RABGAP1L: variants seen among roughly 807,000 people sequenced by gnomAD.
RABGAP1L encodes rab GTPase-activating protein 1-like.
In RABGAP1L, 63 loss-of-function variants were observed where a neutral mutation model predicts 137.7. The observed-to-expected ratio is 0.46, with a 90% CI of 0.37 to 0.56. RABGAP1L has a LOEUF of 0.56. Ranked by LOEUF, RABGAP1L falls within the 20% of genes least tolerant of loss-of-function variation. The pLI is 0.00. For synonymous variants in RABGAP1L, 431 were observed against 433.7 expected, an observed-to-expected ratio of 0.99 and a Z score of 0.08; for missense variants, 1,095 against 1,244.0, an observed-to-expected ratio of 0.88 and a Z score of 1.80.
intron 1 of RABGAP1L, among the ~76,000 whole-genome samples, chr1:174,195,870 C>CT (rs1462804917): frequency 8.0e-6 from 1 of 124,250 alleles, no homozygotes; most frequent in African/African-American, 3.0e-5. Flanking sequence ...GAGTCTTGCT[C>CT]TATCGTCCAG....
intron 11 of RABGAP1L, among the ~76,000 whole-genome samples, chr1:174,359,775 C>G (rs1316377563): frequency 6.6e-6 from 1 of 152,206 alleles, no homozygotes; most frequent in Non-Finnish European, 1.5e-5. Context: ...GTTACTTAAC[C>G]TCTCTCTGCC....
intron 17 of RABGAP1L, among the ~76,000 whole-genome samples, chr1:174,736,499 A>G (rs1456495605): frequency 6.6e-6 from 1 of 152,174 alleles, no homozygotes; most frequent in Non-Finnish European, 1.5e-5. Flanking sequence ...TGAGGATTCA[A>G]GCTGCCCATG....
At chr1:174,958,116 T>C in intron 20 of RABGAP1L, 1 of 1,505,530 alleles carries the variant, frequency 6.6e-7, no homozygotes, top group Non-Finnish European at 8.9e-7. Flanking sequence ...CTTGCCTCTG[T>C]CTGTAGAAAA....
intron 18 of RABGAP1L, among the ~76,000 whole-genome samples, chr1:174,787,702 G>A (rs1687557866): frequency 6.6e-6 from 1 of 152,126 alleles, no homozygotes; most frequent in African/African-American, 2.4e-5. Context: ...ATGATCAAAT[G>A]TTTTGTTTTA....
intron 12 of RABGAP1L, among the ~76,000 whole-genome samples, chr1:174,373,050 T>G (rs1388836258): frequency 6.6e-6 from 1 of 152,202 alleles, no homozygotes; most frequent in Non-Finnish European, 1.5e-5. Flanking sequence ...ATATCCAGAA[T>G]CTAACTTACT....
intron 19 of RABGAP1L, among the ~76,000 whole-genome samples, chr1:174,885,008 A>G (rs557918011): frequency 1.4e-4 from 22 of 152,354 alleles, no homozygotes; most frequent in Middle Eastern, 3.4e-3. Flanking sequence ...CCTGGGTCCA[A>G]TCCTACCTCA....
At chr1:174,213,860 T>C (rs1366063959) in intron 1 of RABGAP1L, among the ~76,000 whole-genome samples, 1 of 152,226 alleles carries the variant, frequency 6.6e-6, no homozygotes, top group Non-Finnish European at 1.5e-5. Flanking sequence ...AAAAGCCATG[T>C]ATGAGAGACC....
At chr1:174,851,530 CT>C (rs887060679) in intron 19 of RABGAP1L, among the ~76,000 whole-genome samples, 1 of 150,962 alleles carries the variant, frequency 6.6e-6, no homozygotes. Context: ...CCATTTCTTT[CT>C]TTTTTTTTGA....
At chr1:174,303,978 T>C (rs1677962936) in intron 10 of RABGAP1L, among the ~76,000 whole-genome samples, 1 of 152,212 alleles carries the variant, frequency 6.6e-6, no homozygotes, top group Non-Finnish European at 1.5e-5. Context: ...CAGTGGACTT[T>C]CTTCCTTCTT....
At chr1:174,629,013 T>G (rs549553663) in intron 13 of RABGAP1L, among the ~76,000 whole-genome samples, 2 of 152,314 alleles carry the variant, frequency 1.3e-5, no homozygotes, top group African/African-American at 2.4e-5. Flanking sequence ...TCTTTCTTCA[T>G]TATATTTCTT....
rs191009190 is a variant in RABGAP1L, at chr1:174,626,472, G to C, written c.1711-10903G>C. 3.4e-3 allele frequency among the ~76,000 whole-genome samples: 519 copies of C among 152,268 alleles called. 2 individuals are homozygous for C. Among genetic ancestry groups the C allele is most frequent in the Admixed American group, 8.0e-3 (123 of 15,290 alleles). On this transcript the variant is annotated intron_variant, in intron 13 of 25. Transcript: ENST00000681986. ...ACGCCTCCCTTTAGTTCTCATTGTAGCTTCTTTCCCTGAAGAGATTTATTT... is the reference window on the plus strand; with the variant it reads ...ACGCCTCCCTTTAGTTCTCATTGTACCTTCTTTCCCTGAAGAGATTTATTT...
chr1:174,617,188 C>T (rs1264969903), intron 13 of RABGAP1L, among the ~76,000 whole-genome samples: 2 of 152,176 alleles, frequency 1.3e-5, no homozygotes, highest in Non-Finnish European at 2.9e-5. Context: ...AATCTCTAGA[C>T]TGCTATTTAT....
At chr1:174,577,210 TACACACACACACAC>T (rs67709003) in intron 13 of RABGAP1L, among the ~76,000 whole-genome samples, 5,229 of 127,032 alleles carry the variant, frequency 0.041, 201 homozygotes, top group African/African-American at 0.093. Flanking sequence ...GGGGAAAAAA[TACACACACACACAC>T]ACACACACAC....
At chr1:174,537,992 T>C (rs1190425798) in intron 13 of RABGAP1L, among the ~76,000 whole-genome samples, 1 of 152,194 alleles carries the variant, frequency 6.6e-6, no homozygotes, top group Non-Finnish European at 1.5e-5. Context: ...TACATTGTTA[T>C]GTAATTTCCT....
At chr1:174,352,799 G>A (rs1342246608) in intron 11 of RABGAP1L, among the ~76,000 whole-genome samples, 1 of 152,182 alleles carries the variant, frequency 6.6e-6, no homozygotes, top group East Asian at 1.9e-4. Flanking sequence ...GCGTTAGAGG[G>A]CACCCCAAGC....
intron 11 of RABGAP1L, among the ~76,000 whole-genome samples, chr1:174,362,987 T>C (rs1435249813): frequency 6.6e-6 from 1 of 152,158 alleles, no homozygotes; most frequent in Non-Finnish European, 1.5e-5. Flanking sequence ...AGGGGTCCAG[T>C]TTTAATCTTC....
At chr1:174,649,652 A>T (rs1675291714) in intron 14 of RABGAP1L, among the ~76,000 whole-genome samples, 1 of 152,028 alleles carries the variant, frequency 6.6e-6, no homozygotes, top group South Asian at 2.1e-4. Flanking sequence ...TTATTGGTGT[A>T]TAAGAATGCT....
At chr1:174,980,449 T>A (rs1057507685) in intron 23 of RABGAP1L, among the ~76,000 whole-genome samples, 1 of 152,192 alleles carries the variant, frequency 6.6e-6, no homozygotes, top group African/African-American at 2.4e-5. Context: ...AGGAAACTTA[T>A]TACATGTGGG....
intron 13 of RABGAP1L, among the ~76,000 whole-genome samples, chr1:174,534,481 GAATA>G (rs1160184696): frequency 1.3e-5 from 2 of 151,762 alleles, no homozygotes; most frequent in Non-Finnish European, 2.9e-5. Flanking sequence ...TAATAAAATA[GAATA>G]ACTAGAGCAG....
Sources: allele counts gnomAD v4.1 joint callset (sites outside exome capture counted in the v4.1 genomes callset), GRCh38; gene constraint gnomAD v4.1.1; transcripts MANE v1.5; gene names NCBI Gene and HGNC (gene_info 2026-07-23, HGNC 2026-07-21).